Variants in GFRA1 observed in about 807,000 individuals in gnomAD.
The protein encoded by GFRA1 is GDNF family receptor alpha-1.
A neutral mutation model predicts 51.6 loss-of-function variants in GFRA1; 16 were observed. That is an observed-to-expected ratio of 0.31 (90% CI 0.21 to 0.47). The LOEUF (loss-of-function observed/expected upper bound fraction) is 0.47, where lower values mean the gene tolerates loss of function less well. Among genes scored for constraint, GFRA1 ranks in the 20% least tolerant of loss-of-function variants. GFRA1 has a pLI of 1.00. For missense variants in GFRA1, 530 were observed against 594.3 expected (o/e 0.89, Z 1.13); for synonymous variants, 270 against 241.3 (o/e 1.12, Z -1.10).
At chr10:116,113,181 C>CT (rs1462904668) in intron 6 of GFRA1, among the ~76,000 whole-genome samples, 1 of 72,138 alleles carries the variant, frequency 1.4e-5, no homozygotes, top group African/African-American at 6.0e-5. Flanking sequence ...ACACTTCTCC[C>CT]TAATTTTTTT....
In GFRA1 at chr10:116,064,354, G is replaced by GT. The variant is rs778604153; in HGVS notation, c.*43dup. On this transcript the variant is annotated 3_prime_UTR_variant, in exon 11 of 11. Coordinates refer to ENST00000355422, the MANE Select transcript of GFRA1 (RefSeq NM_005264.8). ...AAGAGAACAGGAAACAGATAACTTG[G>GT]TTTTTGTCTTTTTACATGTCCATAT... The GT allele has an allele frequency of 1.9e-6, 3 of 1,566,394 alleles. No homozygotes were observed. The African/African-American group carries it at 4.1e-5, about 21-fold the overall frequency.
At chr10:116,067,759 C>T (rs143016493) in intron 9 of GFRA1, among the ~76,000 whole-genome samples, 26 of 152,252 alleles carry the variant, frequency 1.7e-4, no homozygotes, top group African/African-American at 6.0e-4. Flanking sequence ...TCATTAGTCA[C>T]GGAGGGTTTC....
chr10:116,188,616 A>C (rs1003487988), intron 5 of GFRA1, among the ~76,000 whole-genome samples: 2 of 152,142 alleles, frequency 1.3e-5, no homozygotes, highest in African/African-American at 4.8e-5. Context: ...AAAATGGTCA[A>C]TGTTGGGCCG....
intron 6 of GFRA1, among the ~76,000 whole-genome samples, chr10:116,100,359 G>A (rs1415428851): frequency 6.6e-6 from 1 of 152,186 alleles, no homozygotes; most frequent in Non-Finnish European, 1.5e-5. Context: ...GAGCCTTTAA[G>A]CAACTCCTTC....
At chr10:116,153,649 A>G (rs945882684) in intron 5 of GFRA1, among the ~76,000 whole-genome samples, 3 of 151,472 alleles carry the variant, frequency 2.0e-5, no homozygotes, top group African/African-American at 4.8e-5. Context: ...ATGAGAAACT[A>G]TAAGAAATGA....
chr10:116,181,781 G>A (rs1252260621), intron 5 of GFRA1, among the ~76,000 whole-genome samples: 1 of 144,824 alleles, frequency 6.9e-6, no homozygotes, highest in African/African-American at 2.7e-5. Flanking sequence ...GGGACTACAG[G>A]CGCCCGCGCC....
intron 9 of GFRA1, among the ~76,000 whole-genome samples, chr10:116,084,064 C>A (rs1399472640): frequency 1.3e-5 from 2 of 152,168 alleles, no homozygotes; most frequent in Non-Finnish European, 2.9e-5. Flanking sequence ...CTGCTCCAGG[C>A]AGATGCCCAC....
rs553661798 is a variant in GFRA1 at position 116,155,789 on chromosome 10, C to T, written c.434-30232G>A. 5.9e-5 allele frequency among the ~76,000 whole-genome samples: 9 copies of T among 152,260 alleles called. No homozygotes were observed. In the East Asian group the frequency reaches 1.5e-3, roughly 26 times the overall value. ...CCACCAAATCATCATGCTGGACACA[C>T]GCCGGAGCCACAGGCAGTGCCAGAG... On this transcript the variant is annotated intron_variant, in intron 5 of 10. Coordinates refer to ENST00000355422, the MANE Select transcript of GFRA1 (RefSeq NM_005264.8).
chr10:116,125,088 C>T, intron 6 of GFRA1, 133 bp downstream of exon 6: 1 of 778,972 alleles, frequency 1.3e-6, no homozygotes, highest in Non-Finnish European at 2.2e-6. Flanking sequence ...TTTTGCCAAT[C>T]CATTCAAATG....
At chr10:116,107,524 C>T (rs1413319224) in intron 6 of GFRA1, among the ~76,000 whole-genome samples, 1 of 152,158 alleles carries the variant, frequency 6.6e-6, no homozygotes, top group African/African-American at 2.4e-5. Flanking sequence ...TGTGAGTCTT[C>T]AAACATCCTC....
chr10:116,258,409 AT>A (rs1338060495), intron 4 of GFRA1, among the ~76,000 whole-genome samples: 117 of 6,924 alleles, frequency 0.017, no homozygotes, highest in South Asian at 0.25. Flanking sequence ...AAAATATATT[AT>A]ATTAATAAAA....
intron 6 of GFRA1, among the ~76,000 whole-genome samples, chr10:116,098,781 A>T (rs1956706662): frequency 6.6e-6 from 1 of 152,168 alleles, no homozygotes; most frequent in African/African-American, 2.4e-5. Flanking sequence ...ATGCCACCAG[A>T]CTCATTTTGC....
rs551450597 is a variant in GFRA1, at chr10:116,130,329, G to T, written c.434-4772C>A. ...ATTACAACAAAGAAGGTATATACTA[G>T]GCCAATTTTTTAAACTCATATATAA... On this transcript the variant is annotated intron_variant, in intron 5 of 10. Coordinates refer to ENST00000355422, the MANE Select transcript of GFRA1 (RefSeq NM_005264.8). Among the ~76,000 whole-genome samples, 4 of 151,974 alleles carry T rather than the reference G, an allele frequency of 2.6e-5. No homozygotes were observed. In the South Asian group the frequency reaches 8.3e-4, roughly 32 times the overall value.
At chr10:116,164,280 G>A (rs899690923) in intron 5 of GFRA1, among the ~76,000 whole-genome samples, 3 of 151,596 alleles carry the variant, frequency 2.0e-5, no homozygotes, top group South Asian at 2.1e-4. Flanking sequence ...ACCATTCACC[G>A]GGCTTAAAAA....
At chr10:116,160,018 T>C (rs901494728) in intron 5 of GFRA1, among the ~76,000 whole-genome samples, 2 of 152,242 alleles carry the variant, frequency 1.3e-5, no homozygotes, top group Admixed American at 6.5e-5. Flanking sequence ...CTAACCAGTA[T>C]ATCAGGGACA....
chr10:116,167,885 C>T (rs1166219721), intron 5 of GFRA1, among the ~76,000 whole-genome samples: 1 of 152,024 alleles, frequency 6.6e-6, no homozygotes, highest in Non-Finnish European at 1.5e-5. Flanking sequence ...AAAATCCAGT[C>T]CTGATTCATG....
At chr10:116,162,229 A>G (rs1254085252) in intron 5 of GFRA1, among the ~76,000 whole-genome samples, 1 of 152,194 alleles carries the variant, frequency 6.6e-6, no homozygotes, top group East Asian at 1.9e-4. Context: ...TTTGACCCAT[A>G]TCATGGATCT....
intron 4 of GFRA1, among the ~76,000 whole-genome samples, chr10:116,236,045 G>A (rs1966867599): frequency 6.6e-6 from 1 of 152,080 alleles, no homozygotes; most frequent in Non-Finnish European, 1.5e-5. Context: ...ACTACCCTCA[G>A]CACAATGACA....
intron 5 of GFRA1, among the ~76,000 whole-genome samples, chr10:116,155,562 T>A (rs959882073): frequency 1.3e-5 from 2 of 152,188 alleles, no homozygotes; most frequent in Non-Finnish European, 2.9e-5. Flanking sequence ...TAAAAGATGA[T>A]TGTACATATC....
Sources: gnomAD v4.1 joint callset for allele counts (sites outside exome capture counted in the v4.1 genomes callset) on GRCh38, gnomAD v4.1.1 for gene constraint, MANE v1.5 for transcripts, NCBI Gene and HGNC (gene_info 2026-07-23, HGNC 2026-07-21) for gene names.